QPRT: variants seen among roughly 807,000 people sequenced by gnomAD.
The protein encoded by QPRT is nicotinate-nucleotide pyrophosphorylase [carboxylating].
In QPRT, 17 loss-of-function variants were observed where a neutral mutation model predicts 19.8. The ratio of observed to expected loss-of-function variants is 0.86; its 90% CI spans 0.59 to 1.29. The LOEUF is 1.29. Among genes scored for constraint, QPRT ranks in the 50% most tolerant of loss-of-function variants. The pLI, the probability that QPRT is intolerant of heterozygous loss-of-function variation, is 0.00. For missense variants in QPRT, 336 were observed against 405.1 expected, an observed-to-expected ratio of 0.83 and a Z score of 1.46; for synonymous variants, 178 against 191.0, an observed-to-expected ratio of 0.93 and a Z score of 0.56.
intron 1 of QPRT, among the ~76,000 whole-genome samples, chr16:29,682,276 G>A (rs571379974): frequency 6.6e-5 from 10 of 151,580 alleles, no homozygotes; most frequent in African/African-American, 2.4e-4. Flanking sequence ...AGCCTCAAGC[G>A]ATCCTCCAAC....
chr16:29,679,179 C>T, upstream of QPRT: 2 of 1,613,806 alleles, frequency 1.2e-6, no homozygotes, highest in East Asian at 2.2e-5. Context: ...CACACCAGCC[C>T]AGACAGCTGC....
At chr16:29,679,710 G>A (rs565411644) in intron 1 of QPRT, among the ~76,000 whole-genome samples, 1 of 152,248 alleles carries the variant, frequency 6.6e-6, no homozygotes, top group East Asian at 1.9e-4. Flanking sequence ...AAGTCCGGTG[G>A]CAACAAAGGA....
Position 29,694,822 on chromosome 16 carries a change from C to T in QPRT, c.172C>T (p.Pro58Ser). 1 of 1,614,092 alleles carries T rather than the reference C, an allele frequency of 6.2e-7. No individual in the cohort carries two copies. The highest frequency in any genetic ancestry group is 8.5e-7 in the Non-Finnish European group (1 of 1,179,964). ...AKSPGVLAGQ[P>S]FFDAIFTQLN... Reference sequence around the variant, plus strand: ...ATCCCCTGGGGTACTGGCAGGGCAGCCTTTCTTCGATGCCATATTTACCCA... The same window carrying T: ...ATCCCCTGGGGTACTGGCAGGGCAGTCTTTCTTCGATGCCATATTTACCCA... Residue 58 changes from proline to serine, a missense_variant, in exon 2 of 4, where the codon CCT becomes TCT. Coordinates refer to ENST00000395384, the MANE Select transcript of QPRT (RefSeq NM_014298.6).
chr16:29,690,419 C>T (rs568220758), intron 1 of QPRT, among the ~76,000 whole-genome samples: 5 of 152,042 alleles, frequency 3.3e-5, no homozygotes, highest in Non-Finnish European at 7.4e-5. Context: ...GGTTTTTGGT[C>T]TTTGAGAAAT....
intron 1 of QPRT, among the ~76,000 whole-genome samples, chr16:29,681,945 G>A (rs1486397067): frequency 6.6e-6 from 1 of 152,094 alleles, no homozygotes; most frequent in Non-Finnish European, 1.5e-5. Context: ...TGGCCAGGAT[G>A]GTCTCGATCT....
intron 1 of QPRT, among the ~76,000 whole-genome samples, chr16:29,685,797 C>T (rs1384964818): frequency 6.6e-6 from 1 of 151,984 alleles, no homozygotes; most frequent in Non-Finnish European, 1.5e-5. Context: ...CCCAGGAGTT[C>T]AAGACCAGCC....
intron 1 of QPRT, among the ~76,000 whole-genome samples, chr16:29,694,109 C>G (rs1967436686): frequency 6.6e-6 from 1 of 151,672 alleles, no homozygotes; most frequent in Non-Finnish European, 1.5e-5. Context: ...AGCCACCGCA[C>G]CCGGTCAGAA....
chr16:29,692,914 A>T (rs2142308810), intron 1 of QPRT, among the ~76,000 whole-genome samples: 1 of 151,998 alleles, frequency 6.6e-6, no homozygotes, highest in South Asian at 2.1e-4. Flanking sequence ...TACAAAATTT[A>T]GCCGGGTATG....
chr16:29,690,447 C>T lies in QPRT; in HGVS notation c.14-4217C>T, dbSNP rs146553456. Reference sequence around the variant, plus strand: ...TGAGAAATTGCTGCACTGTCCTCCACGATGGTTTAACTAATTTACACTCCC... The same window carrying T: ...TGAGAAATTGCTGCACTGTCCTCCATGATGGTTTAACTAATTTACACTCCC... On this transcript the variant is annotated intron_variant, in intron 1 of 3. Coordinates refer to ENST00000395384, the MANE Select transcript of QPRT (RefSeq NM_014298.6). Among the ~76,000 whole-genome samples the T allele has an allele frequency of 5.0e-3, 761 of 151,900 alleles. 6 individuals are homozygous for T. The highest frequency in any genetic ancestry group is 6.8e-3 in the Non-Finnish European group (461 of 68,002).
At chr16:29,689,969 T>C (rs1325286338) in intron 1 of QPRT, among the ~76,000 whole-genome samples, 3 of 152,104 alleles carry the variant, frequency 2.0e-5, no homozygotes, top group Non-Finnish European at 2.9e-5. Flanking sequence ...CTCCCTTCAC[T>C]ATCTTGGTGT....
intron 1 of QPRT, among the ~76,000 whole-genome samples, chr16:29,686,977 A>G (rs140610291): frequency 8.5e-5 from 13 of 152,368 alleles, no homozygotes; most frequent in African/African-American, 2.6e-4. Context: ...CATGGAGGCA[A>G]CAGCGTGGGC....
Position 29,695,168 on chromosome 16 carries a change from A to T in QPRT, c.518A>T (p.Asn173Ile). 6.4e-7 allele frequency: 1 copy of T among 1,565,744 alleles called. No individual in the cohort carries two copies. Among genetic ancestry groups the T allele is most frequent in the Non-Finnish European group, 8.7e-7 (1 of 1,155,302 alleles). Residue 173 changes from asparagine (N) to isoleucine (I), a missense_variant, in exon 2 of 4, where the codon AAC (asparagine) becomes ATC (isoleucine). Coordinates refer to ENST00000395384, the MANE Select transcript of QPRT (RefSeq NM_014298.6). The stretch of plus-strand genomic sequence containing the variant: ...GGAGGGCTGGTGATGGTGAAGGATA[A>T]CCATGTGGTGGCCGCCGGTGGCGTG... Reference protein sequence around the residue: ...DLGGLVMVKDNHVVAAGGVEK... With the variant: ...DLGGLVMVKDIHVVAAGGVEK...
intron 1 of QPRT, among the ~76,000 whole-genome samples, chr16:29,692,933 C>T (rs1050375336): frequency 6.6e-6 from 1 of 151,692 alleles, no homozygotes; most frequent in South Asian, 2.1e-4. Context: ...TGGTGGCAGG[C>T]GCCTGTAACC....
chr16:29,683,501 G>A (rs35999130), intron 1 of QPRT, among the ~76,000 whole-genome samples: 40,045 of 151,878 alleles, frequency 0.26, 11,200 homozygotes, highest in African/African-American at 0.71. Flanking sequence ...GACTACAGGC[G>A]TGTGTCACCA....
chr16:29,693,681 G>A (rs1011684021), intron 1 of QPRT, among the ~76,000 whole-genome samples: 1 of 152,036 alleles, frequency 6.6e-6, no homozygotes, highest in Non-Finnish European at 1.5e-5. Flanking sequence ...CTGCTTCCCG[G>A]GTTCAAGCAA....
At chr16:29,696,951 G>A (rs571237808) in intron 2 of QPRT, 45 bp from the exon 3 acceptor site, 1 of 1,542,278 alleles carries the variant, frequency 6.5e-7, no homozygotes, top group Non-Finnish European at 8.7e-7. Context: ...CCAGTGCCAG[G>A]TGCTGGGCCC....
rs1385989198 is a variant in QPRT at position 29,694,857 on chromosome 16, C to T, written c.207C>T (p.Cys69=). 6.2e-7 allele frequency: 1 copy of T among 1,614,018 alleles called. No individual in the cohort carries two copies. The highest frequency in any genetic ancestry group is 1.3e-5 in the African/African-American group (1 of 74,950). ...ATGCCATATTTACCCAACTCAACTG[C>T]CAAGTCTCCTGGTTCCTCCCCGAGG... ...FFDAIFTQLN[C]QVSWFLPEGS... is the part of the protein sequence containing the mutation. The change falls in exon 2 of 4, where the codon TGC becomes TGT. Residue 69 remains cysteine, a synonymous_variant. Transcript: ENST00000395384.
At chr16:29,694,408 C>G (rs549354504) in intron 1 of QPRT, among the ~76,000 whole-genome samples, 1 of 152,080 alleles carries the variant, frequency 6.6e-6, no homozygotes, top group African/African-American at 2.4e-5. Context: ...CGTGAGCCAC[C>G]GCGCCCGGCC....
intron 1 of QPRT, among the ~76,000 whole-genome samples, chr16:29,681,680 A>G (rs1212865222): frequency 6.8e-6 from 1 of 146,524 alleles, no homozygotes; most frequent in Non-Finnish European, 1.5e-5. Flanking sequence ...TATTTTTAGT[A>G]GAGATGGGGT....
Sources: allele counts gnomAD v4.1 joint callset (sites outside exome capture counted in the v4.1 genomes callset), GRCh38; gene constraint gnomAD v4.1.1; transcripts MANE v1.5; gene names NCBI Gene and HGNC (gene_info 2026-07-23, HGNC 2026-07-21).